Variants in EYA2 observed in about 807,000 individuals in gnomAD.
The protein encoded by EYA2 is protein phosphatase EYA2.
In EYA2, 31 loss-of-function variants were observed where a neutral mutation model predicts 69.2. The ratio of observed to expected loss-of-function variants is 0.45; its 90% CI spans 0.34 to 0.60. The LOEUF (loss-of-function observed/expected upper bound fraction) is 0.60, where lower values mean the gene tolerates loss of function less well. Ranked by LOEUF, EYA2 falls within the 20% of genes least tolerant of loss-of-function variation. The pLI is 0.02. For missense variants in EYA2, 622 were observed against 701.2 expected, an observed-to-expected ratio of 0.89 and a Z score of 1.28; for synonymous variants, 257 against 279.4, an observed-to-expected ratio of 0.92 and a Z score of 0.80.
At chr20:47,004,229 C>T (rs181604918) in intron 3 of EYA2, among the ~76,000 whole-genome samples, 50 of 152,138 alleles carry the variant, frequency 3.3e-4, no homozygotes, top group Admixed American at 2.6e-3. Flanking sequence ...AATCAGGCCT[C>T]GAGAGAGATT....
chr20:46,909,562 G>A (rs993409679), intron 1 of EYA2, among the ~76,000 whole-genome samples: 10 of 152,308 alleles, frequency 6.6e-5, no homozygotes, highest in African/African-American at 2.4e-4. Context: ...AAAAGAAAAT[G>A]TATTGCCTTG....
At chr20:46,970,859 C>CA (rs965731786) in intron 1 of EYA2, among the ~76,000 whole-genome samples, 4 of 151,798 alleles carry the variant, frequency 2.6e-5, no homozygotes, top group Non-Finnish European at 4.4e-5. Flanking sequence ...GCTATGTTTT[C>CA]AAAAAAAGGG....
intron 7 of EYA2, among the ~76,000 whole-genome samples, 187 bp downstream of exon 7, chr20:47,074,522 G>A (rs987768120): frequency 6.6e-6 from 1 of 152,336 alleles, no homozygotes; most frequent in South Asian, 2.1e-4. Context: ...AGGCTCCCAA[G>A]GGCTAAATCC....
intron 1 of EYA2, among the ~76,000 whole-genome samples, chr20:46,953,644 C>T (rs1978942118): frequency 6.6e-6 from 1 of 152,044 alleles, no homozygotes; most frequent in African/African-American, 2.4e-5. Context: ...CTGGCCTCTC[C>T]CTCCCCAGTT....
At chr20:47,186,659 T>C (rs546570605) in intron 15 of EYA2, among the ~76,000 whole-genome samples, 1 of 152,152 alleles carries the variant, frequency 6.6e-6, no homozygotes, top group Admixed American at 6.6e-5. Context: ...ACGCCCGGCC[T>C]CCTCATTCGT....
chr20:46,929,530 G>C (rs1341197172), intron 1 of EYA2, among the ~76,000 whole-genome samples: 1 of 152,094 alleles, frequency 6.6e-6, no homozygotes, highest in East Asian at 1.9e-4. Context: ...ACTATGAGGA[G>C]GTTGGCTCAT....
At chr20:47,112,984 G>C (rs1464774663) in intron 9 of EYA2, among the ~76,000 whole-genome samples, 2 of 145,668 alleles carry the variant, frequency 1.4e-5, no homozygotes, top group Non-Finnish European at 3.0e-5. Flanking sequence ...CGATCCTCCT[G>C]CCTCAGCCTC....
At chr20:46,899,359 A>G (rs1983978878) in intron 1 of EYA2, among the ~76,000 whole-genome samples, 1 of 152,228 alleles carries the variant, frequency 6.6e-6, no homozygotes. Flanking sequence ...ACAAAATCAT[A>G]TTAAATATTC....
chr20:47,005,100 G>A lies in EYA2; in HGVS notation c.298+16G>A. On this transcript the variant is annotated intron_variant, in intron 4 of 15. Transcript: ENST00000327619. ...CCTTCCTACAGTGAGTAGTAAACAAGTCCTTACTCTCCTCCTCAGGTCCCC... is the reference window on the plus strand; with the variant it reads ...CCTTCCTACAGTGAGTAGTAAACAAATCCTTACTCTCCTCCTCAGGTCCCC... 1 of 1,611,964 alleles carries A rather than the reference G, an allele frequency of 6.2e-7. No homozygotes were observed.
chr20:46,994,256 A>C (rs1023786129), intron 2 of EYA2, among the ~76,000 whole-genome samples: 2 of 152,188 alleles, frequency 1.3e-5, no homozygotes, highest in Non-Finnish European at 2.9e-5. Flanking sequence ...AGTCCTTGCC[A>C]CAGTAACCCT....
At chr20:46,948,524 G>A (rs1978610161) in intron 1 of EYA2, among the ~76,000 whole-genome samples, 1 of 152,078 alleles carries the variant, frequency 6.6e-6, no homozygotes, top group Non-Finnish European at 1.5e-5. Flanking sequence ...ATAAGATGAG[G>A]GACTAATATT....
At chr20:47,168,897 A>G (rs2034260825) in intron 10 of EYA2, among the ~76,000 whole-genome samples, 1 of 152,110 alleles carries the variant, frequency 6.6e-6, no homozygotes, top group Admixed American at 6.5e-5. Context: ...GAGTATCTGT[A>G]TGGTCACTTT....
chr20:47,023,157 A>G (rs1288792032), intron 5 of EYA2, among the ~76,000 whole-genome samples: 1 of 152,214 alleles, frequency 6.6e-6, no homozygotes, highest in African/African-American at 2.4e-5. Flanking sequence ...CCAAACCCCT[A>G]ACAATTAACC....
chr20:47,076,024 G>A (rs1206817), intron 7 of EYA2, among the ~76,000 whole-genome samples: 14,934 of 152,256 alleles, frequency 0.098, 1,552 homozygotes, highest in African/African-American at 0.26. Context: ...TTGGTTCAAA[G>A]GACATGATCT....
chr20:47,050,034 C>T (rs948019811), intron 5 of EYA2, among the ~76,000 whole-genome samples: 1 of 152,168 alleles, frequency 6.6e-6, no homozygotes, highest in Non-Finnish European at 1.5e-5. Context: ...ACGTTGCACC[C>T]TCAGTGCATC....
intron 1 of EYA2, among the ~76,000 whole-genome samples, chr20:46,913,973 A>G (rs1289922812): frequency 6.6e-6 from 1 of 152,188 alleles, no homozygotes; most frequent in South Asian, 2.1e-4. Flanking sequence ...CTGCTGGTAC[A>G]TGGCCAGGCC....
intron 13 of EYA2, 125 bp from the exon 14 acceptor site, chr20:47,180,690 C>A: frequency 8.3e-7 from 1 of 1,209,030 alleles, no homozygotes; most frequent in Non-Finnish European, 1.2e-6. Context: ...CCTAACATAC[C>A]TGAAGATGAC....
At chr20:46,919,658 A>G (rs1985091006) in intron 1 of EYA2, among the ~76,000 whole-genome samples, 1 of 152,262 alleles carries the variant, frequency 6.6e-6, no homozygotes, top group South Asian at 2.1e-4. Context: ...TCTCTGTATC[A>G]GCAATAAGAC....
At position 47,153,191 on chromosome 20, in the gene EYA2, TACAAA is replaced by T. The variant is rs1184232973; in HGVS notation, c.978+10060_978+10064del. 3.3e-5 allele frequency among the ~76,000 whole-genome samples: 5 copies of T among 151,864 alleles called. 1 individual carries two copies. The highest frequency in any genetic ancestry group is 3.9e-4 in the East Asian group (2 of 5,076). ...TCATGTGGTTTGCTCTTAATTAAAA[TACAAA>T]ACAAAACAAAACAAAAAACCACTTT... On this transcript the variant is annotated intron_variant, in intron 10 of 15. Coordinates refer to ENST00000327619, the MANE Select transcript of EYA2 (RefSeq NM_005244.5).
Sources: gnomAD v4.1 joint callset for allele counts (sites outside exome capture counted in the v4.1 genomes callset) on GRCh38, gnomAD v4.1.1 for gene constraint, MANE v1.5 for transcripts, NCBI Gene and HGNC (gene_info 2026-07-23, HGNC 2026-07-21) for gene names.